Variants in NELL1 observed in about 807,000 individuals in gnomAD.
NELL1 encodes protein kinase C-binding protein NELL1.
NELL1 carries 76 observed loss-of-function variants against 107.4 expected under a neutral mutation model. The observed-to-expected ratio is 0.71, with a 90% CI of 0.59 to 0.86. The LOEUF (loss-of-function observed/expected upper bound fraction) is 0.86, where lower values mean the gene tolerates loss of function less well. Among genes scored for constraint, NELL1 ranks in the 40% least tolerant of loss-of-function variants. The pLI is 0.00. For synonymous variants in NELL1, 353 were observed against 341.2 expected (o/e 1.03, Z -0.38); for missense variants, 1,024 against 1,005.5 (o/e 1.02, Z -0.25).
At chr11:21,537,644 G>GTTGT (rs10646988) in intron 16 of NELL1, among the ~76,000 whole-genome samples, 76,482 of 151,560 alleles carry the variant, frequency 0.5, 19,878 homozygotes, top group Non-Finnish European at 0.57. Context: ...CCTCAAACAA[G>GTTGT]TTGTTTGAGG....
At position 20,796,533 on chromosome 11, in the gene NELL1, T is replaced by C. The variant is rs953794497; in HGVS notation, c.335+12703T>C. On this transcript the variant is annotated intron_variant, in intron 3 of 19. Transcript: ENST00000357134. ...TTCATTTGGGAATGAAGGGAGCAAA[T>C]TGGAGACTTGCCCTAAAAAATCTAT... is the stretch of plus-strand genomic sequence containing the variant. 4.4e-5 allele frequency among the ~76,000 whole-genome samples: 5 copies of C among 112,652 alleles called. No individual in the cohort carries two copies. The East Asian group carries it at 1.4e-3, about 31-fold the overall frequency. The allele number at this position is 112,652 out of a possible 152,430, so 73.9% of individuals were successfully genotyped here.
At chr11:20,840,965 C>A (rs1048998398) in intron 3 of NELL1, among the ~76,000 whole-genome samples, 2 of 152,222 alleles carry the variant, frequency 1.3e-5, no homozygotes, top group African/African-American at 4.8e-5. Flanking sequence ...TATAGACTAG[C>A]AATAACTTGT....
chr11:21,374,046 C>T (rs897587464), intron 15 of NELL1, among the ~76,000 whole-genome samples: 14 of 151,986 alleles, frequency 9.2e-5, no homozygotes, highest in Non-Finnish European at 1.5e-5. Flanking sequence ...CAAAGTCCTC[C>T]TAGAGAATTT....
In NELL1 at chr11:21,241,259, T is replaced by G. The variant is rs373419334; in HGVS notation, c.1549+11805T>G. Among the ~76,000 whole-genome samples, 12 of 152,246 alleles carry G rather than the reference T, an allele frequency of 7.9e-5. No homozygotes were observed. The East Asian group carries it at 2.3e-3, about 29-fold the overall frequency. ...ATTATGATCTGTTTTGGGTAGCAGT[T>G]ATTTGCAAAATATTCACAGTATTCA... is the stretch of plus-strand genomic sequence containing the variant. On this transcript the variant is annotated intron_variant, in intron 14 of 19. Transcript: ENST00000357134.
intron 11 of NELL1, among the ~76,000 whole-genome samples, chr11:20,952,409 C>T (rs977378502): frequency 9.2e-5 from 14 of 152,134 alleles, no homozygotes; most frequent in Non-Finnish European, 1.6e-4. Flanking sequence ...CCCTAAGAGT[C>T]TTGGCATCAA....
At chr11:20,764,045 G>A (rs1466397842) in intron 2 of NELL1, among the ~76,000 whole-genome samples, 1 of 152,212 alleles carries the variant, frequency 6.6e-6, no homozygotes, top group African/African-American at 2.4e-5. Context: ...GGGAATATGG[G>A]CTCTGCGTTG....
At chr11:21,345,268 C>T (rs988724227) in intron 14 of NELL1, among the ~76,000 whole-genome samples, 4 of 152,118 alleles carry the variant, frequency 2.6e-5, no homozygotes, top group African/African-American at 9.7e-5. Flanking sequence ...AAGTCCAATC[C>T]CTTCTTAGAA....
chr11:21,064,891 A>G (rs761964183), intron 12 of NELL1, among the ~76,000 whole-genome samples: 7 of 152,260 alleles, frequency 4.6e-5, no homozygotes, highest in Non-Finnish European at 8.8e-5. Flanking sequence ...TTCACAAATC[A>G]CTTTGATTCC....
chr11:21,395,112 G>T (rs74602268), intron 15 of NELL1, among the ~76,000 whole-genome samples: 1,677 of 151,540 alleles, frequency 0.011, 33 homozygotes, highest in African/African-American at 0.036. Context: ...AAAGTGTACA[G>T]AAAACCATTA....
At chr11:21,253,014 A>C (rs1222209426) in intron 14 of NELL1, among the ~76,000 whole-genome samples, 1 of 152,136 alleles carries the variant, frequency 6.6e-6, no homozygotes, top group African/African-American at 2.4e-5. Flanking sequence ...GAGTAAATTT[A>C]TAAAATTTAC....
At chr11:21,176,570 C>A (rs1856717260) in intron 13 of NELL1, among the ~76,000 whole-genome samples, 1 of 151,746 alleles carries the variant, frequency 6.6e-6, no homozygotes, top group Non-Finnish European at 1.5e-5. Flanking sequence ...GTCACTATAG[C>A]ATTTTTAGGC....
intron 15 of NELL1, among the ~76,000 whole-genome samples, chr11:21,518,308 A>T (rs1855625276): frequency 6.6e-6 from 1 of 152,132 alleles, no homozygotes; most frequent in East Asian, 1.9e-4. Flanking sequence ...TCAGATGATG[A>T]CAGAAATATG....
At chr11:21,459,261 A>G (rs1853834992) in intron 15 of NELL1, among the ~76,000 whole-genome samples, 1 of 151,558 alleles carries the variant, frequency 6.6e-6, no homozygotes, top group South Asian at 2.1e-4. Flanking sequence ...CCACCAGTTC[A>G]CAAAACCATG....
chr11:20,989,985 A>G (rs1484843872), intron 12 of NELL1, among the ~76,000 whole-genome samples: 5 of 147,144 alleles, frequency 3.4e-5, no homozygotes, highest in African/African-American at 5.1e-5. Flanking sequence ...AGACAGAGTG[A>G]GACTCCGTCT....
chr11:21,146,513 C>T (rs1855982177), intron 13 of NELL1, among the ~76,000 whole-genome samples: 1 of 152,154 alleles, frequency 6.6e-6, no homozygotes, highest in African/African-American at 2.4e-5. Context: ...GTAAGAGTGA[C>T]ACCAAACTAG....
At position 20,862,882 on chromosome 11, in the gene NELL1, G is replaced by C. The variant is rs553419870; in HGVS notation, c.506+15129G>C. Among the ~76,000 whole-genome samples, 9 of 152,182 alleles carry C rather than the reference G, an allele frequency of 5.9e-5. No individual in the cohort carries two copies. In the South Asian group the frequency reaches 1.2e-3, roughly 21 times the overall value. ...CCGCCCTTAATCCATTTAACCCTGG[G>C]TGGACACAGCACATGTTTCAGAGAG... On this transcript the variant is annotated intron_variant, in intron 4 of 19. Coordinates refer to ENST00000357134, the MANE Select transcript of NELL1 (RefSeq NM_006157.5).
At chr11:20,844,224 T>C (rs1473588190) in intron 3 of NELL1, among the ~76,000 whole-genome samples, 1 of 152,100 alleles carries the variant, frequency 6.6e-6, no homozygotes, top group Non-Finnish European at 1.5e-5. Context: ...TGGGGAAGGC[T>C]GCAAAGAGGA....
At chr11:20,975,697 T>C (rs1224894457) in intron 12 of NELL1, among the ~76,000 whole-genome samples, 8 of 101,214 alleles carry the variant, frequency 7.9e-5, no homozygotes, top group African/African-American at 3.4e-4. Context: ...ATAATGTATG[T>C]ATTATATAAT....
chr11:21,140,366 G>T (rs920066122), intron 13 of NELL1, among the ~76,000 whole-genome samples: 4 of 152,220 alleles, frequency 2.6e-5, no homozygotes, highest in African/African-American at 7.2e-5. Context: ...ATCATGTGCT[G>T]TGTGCTATAG....
Sources: allele counts gnomAD v4.1 joint callset (sites outside exome capture counted in the v4.1 genomes callset), GRCh38; gene constraint gnomAD v4.1.1; transcripts MANE v1.5; gene names NCBI Gene and HGNC (gene_info 2026-07-23, HGNC 2026-07-21).